The following PRR29 variants were observed in gnomAD, a reference collection of about 807,000 sequenced individuals.
The protein encoded by PRR29 is proline-rich protein 29.
In PRR29, 20 loss-of-function variants were observed where a neutral mutation model predicts 25.1. The ratio of observed to expected loss-of-function variants is 0.80; its 90% CI spans 0.56 to 1.16. The LOEUF (loss-of-function observed/expected upper bound fraction) is 1.16. PRR29 is among the 50% of genes most tolerant of loss of function. PRR29 has a pLI of 0.00. For missense variants in PRR29, 238 were observed against 246.6 expected, an observed-to-expected ratio of 0.97 and a Z score of 0.23; for synonymous variants, 108 against 102.6, an observed-to-expected ratio of 1.05 and a Z score of -0.32.
intron 2 of PRR29, 35 bp downstream of exon 2, chr17:63,998,817 C>CCAAA: frequency 8.8e-7 from 1 of 1,141,120 alleles, no homozygotes; most frequent in Non-Finnish European, 1.3e-6. Flanking sequence ...CCACCCCCAC[C>CCAAA]ATCACCACCA....
rs1457701285 is a variant in PRR29 at position 64,003,059 on chromosome 17, G to T, written c.*1298G>T. 2 of 685,800 alleles carry T rather than the reference G, an allele frequency of 2.9e-6. No individual in the cohort carries two copies. The highest frequency in any genetic ancestry group is 1.8e-5 in the African/African-American group (1 of 55,452). The allele number at this position is 685,800 out of a possible 1,614,324, so 42.5% of individuals were successfully genotyped here. On this transcript the variant is annotated 3_prime_UTR_variant, in exon 6 of 6. Coordinates refer to ENST00000412177, the MANE Select transcript of PRR29 (RefSeq NM_001164257.2). Reference sequence around the variant, plus strand: ...GCTCATGCATCCAGCAGTCACCCCAGTTGCAGAGATGAGTGGTGAATGGTG... The same window carrying T: ...GCTCATGCATCCAGCAGTCACCCCATTTGCAGAGATGAGTGGTGAATGGTG...
At position 64,002,854 on chromosome 17, in the gene PRR29, A is replaced by G. The variant is rs758274730; in HGVS notation, c.*1093A>G. The G allele has an allele frequency of 6.2e-7, 1 of 1,614,010 alleles. No individual in the cohort carries two copies. The highest frequency in any genetic ancestry group is 1.7e-5 in the Admixed American group (1 of 60,018). On this transcript the variant is annotated 3_prime_UTR_variant, in exon 6 of 6. Transcript: ENST00000412177. ...CCGAAGATGAAGCAGAGCAGGACAGATGTCACGAACAGGGACAGCAACACC... is the reference window on the plus strand; with the variant it reads ...CCGAAGATGAAGCAGAGCAGGACAGGTGTCACGAACAGGGACAGCAACACC...
At position 64,002,889 on chromosome 17, in the gene PRR29, G is replaced by A. The variant is rs764072596; in HGVS notation, c.*1128G>A. On this transcript the variant is annotated 3_prime_UTR_variant, in exon 6 of 6. Transcript: ENST00000412177. ...CAGGGACAGCAACACCGACACCACC[G>A]TGACTATGATGACCATCTGGCTGTC... The A allele has an allele frequency of 3.0e-5, 48 of 1,613,772 alleles. No individual in the cohort carries two copies. In the East Asian group the frequency reaches 7.1e-4, roughly 24 times the overall value.
chr17:64,003,884 G>T lies in PRR29; in HGVS notation c.*2123G>T. 6.2e-7 allele frequency: 1 copy of T among 1,614,168 alleles called. No homozygotes were observed. The highest frequency in any genetic ancestry group is 8.5e-7 in the Non-Finnish European group (1 of 1,180,012). ...AGGCTGTCCAGGGGCTCCACGGTGG[G>T]CACCCTGCACTCAATGGTGAAGGAC... is the stretch of plus-strand genomic sequence containing the variant. On this transcript the variant is annotated 3_prime_UTR_variant, in exon 6 of 6. Transcript: ENST00000412177.
Position 63,998,800 on chromosome 17 carries a change from C to G in PRR29, c.136+18C>G. 1 of 1,134,684 alleles carries G rather than the reference C, an allele frequency of 8.8e-7. No homozygotes were observed. The highest frequency in any genetic ancestry group is 1.3e-6 in the Non-Finnish European group (1 of 784,184). 70.3% of individuals were successfully genotyped at this position (1,134,684 alleles called of 1,614,324 possible). A position where few individuals can be genotyped will look rare whatever the true frequency, so the allele number is the denominator to read the frequency against. On this transcript the variant is annotated intron_variant, in intron 2 of 5. Transcript: ENST00000412177. ...GAAGGAAGGTGAGACTCCCGGGTCC[C>G]CCCACCCCACCCCCACCATCACCAC...
Position 64,002,846 on chromosome 17 carries a change from C to G in PRR29, c.*1085C>G, listed in dbSNP as rs968522690. On this transcript the variant is annotated 3_prime_UTR_variant, in exon 6 of 6. Transcript: ENST00000412177. The stretch of plus-strand genomic sequence containing the variant: ...AGTGCTGGCCGAAGATGAAGCAGAG[C>G]AGGACAGATGTCACGAACAGGGACA... 1 of 1,614,016 alleles carries G rather than the reference C, an allele frequency of 6.2e-7. No individual in the cohort carries two copies. Among genetic ancestry groups the G allele is most frequent in the Non-Finnish European group, 8.5e-7 (1 of 1,179,994 alleles).
At chr17:64,001,045 A>G (rs2143138778) in intron 3 of PRR29, 39 bp from the exon 4 acceptor site, 2 of 1,475,384 alleles carry the variant, frequency 1.4e-6, no homozygotes, top group Non-Finnish European at 9.2e-7. Context: ...GCCTGATGGT[A>G]GATTCTCATT....
rs1598012132 is a variant in PRR29 at position 64,002,141 on chromosome 17, A to G, written c.*380A>G. ...TCTCCTTCCAGCCTAGTAATGGAGCAAGAGGGGAGGGGGGGATTCCTTCTG... is the reference window on the plus strand; with the variant it reads ...TCTCCTTCCAGCCTAGTAATGGAGCGAGAGGGGAGGGGGGGATTCCTTCTG... On this transcript the variant is annotated 3_prime_UTR_variant, in exon 6 of 6. Transcript: ENST00000412177. 3.6e-6 allele frequency: 3 copies of G among 834,084 alleles called. No individual in the cohort carries two copies. In the East Asian group the frequency reaches 8.0e-5, roughly 22 times the overall value. The allele number at this position is 834,084 out of a possible 1,614,324, so 51.7% of individuals were successfully genotyped here. A position where few individuals can be genotyped will look rare whatever the true frequency, so the allele number is the denominator to read the frequency against.
At position 64,001,995 on chromosome 17, in the gene PRR29, C is replaced by G; in HGVS notation, c.*234C>G. Reference sequence around the variant, plus strand: ...GTGTAAGAGCTCCCTAGAGCACCACCCAGGCCCTTGAAGCCACGTCAGCCC... The same window carrying G: ...GTGTAAGAGCTCCCTAGAGCACCACGCAGGCCCTTGAAGCCACGTCAGCCC... On this transcript the variant is annotated 3_prime_UTR_variant, in exon 6 of 6. Coordinates refer to ENST00000412177, the MANE Select transcript of PRR29 (RefSeq NM_001164257.2). 1.3e-6 allele frequency: 2 copies of G among 1,532,186 alleles called. No individual in the cohort carries two copies. The highest frequency in any genetic ancestry group is 1.7e-6 in the Non-Finnish European group (2 of 1,144,240). 94.9% of individuals were successfully genotyped at this position (1,532,186 alleles called of 1,614,324 possible). A position where few individuals can be genotyped will look rare whatever the true frequency, so the allele number is the denominator to read the frequency against.
Position 63,999,014 on chromosome 17 carries a change from G to A in PRR29, c.183G>A (p.Leu61=). ...TGCAGAACGCGCAGATGCACCAGCT[G>A]CTGCTGAGTCGCCTGGTGGCTGGAG... ...MMLQNAQMHQ[L]LLSRLVAGAL... is the part of the protein sequence containing the mutation. The change falls in exon 3 of 6, where the codon CTG becomes CTA. Residue 61 remains leucine, a synonymous_variant. Coordinates refer to ENST00000412177, the MANE Select transcript of PRR29 (RefSeq NM_001164257.2). The A allele has an allele frequency of 6.5e-7, 1 of 1,536,158 alleles. No homozygotes were observed. Among genetic ancestry groups the A allele is most frequent in the Non-Finnish European group, 8.7e-7 (1 of 1,146,808 alleles).
rs62070903 is a variant in PRR29, at chr17:63,998,717, C to G, written c.71C>G (p.Thr24Ser). The change falls in exon 2 of 6, where the codon ACC becomes AGC. Residue 24 changes from threonine (T) to serine (S), a missense_variant. Transcript: ENST00000412177. ...PQSAVPTPWV[T>S]FLQPLSWAVP... is the part of the protein sequence containing the mutation. ...CGCGCACACCCCCAGCCCTGGGTCA[C>G]CTTCCTGCAGCCCCTCTCGTGGGCC... 0.32 allele frequency: 485,204 copies of G among 1,524,344 alleles called. 79,265 individuals carry two copies. The highest frequency in any genetic ancestry group is 0.34 in the Middle Eastern group (1,603 of 4,748). 94.4% of individuals were successfully genotyped at this position (1,524,344 alleles called of 1,614,324 possible). A position where few individuals can be genotyped will look rare whatever the true frequency, so the allele number is the denominator to read the frequency against.
In PRR29 at chr17:63,998,955, C is replaced by A. The variant is rs559356109; in HGVS notation, c.137-13C>A. The A allele has an allele frequency of 1.5e-5, 23 of 1,535,996 alleles. No individual in the cohort carries two copies. In the Middle Eastern group the frequency reaches 5.0e-4, roughly 33 times the overall value. On this transcript the variant is annotated splice_polypyrimidine_tract_variant and intron_variant, in intron 2 of 5. Coordinates refer to ENST00000412177, the MANE Select transcript of PRR29 (RefSeq NM_001164257.2). ...GGAGGCCCGGCGTGGGCTTGCTGAA[C>A]CCCGCTTCCTAGACCTGCTGGAACT...
At chr17:63,999,107 C>T in intron 3 of PRR29, 33 bp downstream of exon 3, 3 of 1,498,054 alleles carry the variant, frequency 2.0e-6, no homozygotes, top group South Asian at 1.2e-5. Flanking sequence ...GGTCGCTCAC[C>T]TGTGGGTCCA....
Position 64,003,018 on chromosome 17 carries a change from C to T in PRR29, c.*1257C>T. ...GGAAGTCCACCCCCAACCCAGACCC[C>T]CAGACCCCGCCGCCCGCTCATGCAT... is the stretch of plus-strand genomic sequence containing the variant. On this transcript the variant is annotated 3_prime_UTR_variant, in exon 6 of 6. Coordinates refer to ENST00000412177, the MANE Select transcript of PRR29 (RefSeq NM_001164257.2). 8.8e-7 allele frequency: 1 copy of T among 1,135,922 alleles called. No homozygotes were observed. Among genetic ancestry groups the T allele is most frequent in the Non-Finnish European group, 1.3e-6 (1 of 798,986 alleles). The allele number at this position is 1,135,922 out of a possible 1,614,324, so 70.4% of individuals were successfully genotyped here.
intron 3 of PRR29, chr17:63,999,950 C>G (rs1392830998): frequency 1.3e-5 from 2 of 152,568 alleles, no homozygotes; most frequent in Non-Finnish European, 2.9e-5. Flanking sequence ...GCATATAGCT[C>G]TAAGGCTGAG....
intron 1 of PRR29, 56 bp downstream of exon 1, chr17:63,998,480 G>T (rs1303277326): frequency 1.4e-6 from 2 of 1,440,760 alleles, no homozygotes; most frequent in Non-Finnish European, 1.8e-6. Flanking sequence ...GGCAGAGTGG[G>T]GAGCTGTCCC....
Position 64,003,931 on chromosome 17 carries a change from G to GCT in PRR29, c.*2170_*2171insCT. Reference sequence around the variant, plus strand: ...GGACTTGCCCACAGCCACCAAAGTGGGTTGCAGTGTCAGGATGACCTGCCT... The same window carrying GCT: ...GGACTTGCCCACAGCCACCAAAGTGGCTGTTGCAGTGTCAGGATGACCTGCCT... On this transcript the variant is annotated 3_prime_UTR_variant, in exon 6 of 6. Transcript: ENST00000412177. 6.2e-7 allele frequency: 1 copy of GCT among 1,613,794 alleles called. No homozygotes were observed. The highest frequency in any genetic ancestry group is 8.5e-7 in the Non-Finnish European group (1 of 1,179,862).
intron 4 of PRR29, 40 bp from the exon 5 acceptor site, chr17:64,001,427 T>C: frequency 6.7e-7 from 1 of 1,490,714 alleles, no homozygotes; most frequent in African/African-American, 1.4e-5. Flanking sequence ...AGGCCACCCC[T>C]GGGCCTCTGA....
chr17:64,000,148 C>T (rs1407773569), intron 3 of PRR29, among the ~76,000 whole-genome samples: 9 of 152,190 alleles, frequency 5.9e-5, no homozygotes, highest in Admixed American at 1.3e-4. Context: ...GTCCAGGGGC[C>T]GGGGGTGAGG....
Sources: gnomAD v4.1 joint callset for allele counts (sites outside exome capture counted in the v4.1 genomes callset) on GRCh38, gnomAD v4.1.1 for gene constraint, MANE v1.5 for transcripts, NCBI Gene and HGNC (gene_info 2026-07-23, HGNC 2026-07-21) for gene names.